Variants in LGSN observed in about 807,000 individuals in gnomAD.
LGSN encodes lengsin.
In LGSN, 21 loss-of-function variants were observed where a neutral mutation model predicts 19.5. That is an observed-to-expected ratio of 1.07 (90% CI 0.76 to 1.55). The LOEUF is 1.55. Ranked by LOEUF, LGSN falls within the 40% of genes most tolerant of loss-of-function variation. The probability of loss-of-function intolerance (pLI) is 0.00; values close to 1 mark genes in which losing one functional copy is unlikely to be tolerated. For synonymous variants in LGSN, 257 were observed against 215.6 expected (o/e 1.19, Z -1.68); for missense variants, 673 against 608.5 (o/e 1.11, Z -1.12).
Position 63,318,317 on chromosome 6 carries a change from A to G in LGSN, c.30+1597T>C, listed in dbSNP as rs148255693. Among the ~76,000 whole-genome samples, 669 of 152,268 alleles carry G rather than the reference A, an allele frequency of 4.4e-3. 3 individuals are homozygous for G. The highest frequency in any genetic ancestry group is 0.015 in the African/African-American group (627 of 41,554). On this transcript the variant is annotated intron_variant, in intron 1 of 3. Coordinates refer to ENST00000370657, the MANE Select transcript of LGSN (RefSeq NM_016571.3). ...GCTGCTGTGTTTTGTAGTTAACTTC[A>G]TGCTGCTCTTGCTCACATTACCAGA...
At chr6:63,335,544 G>A in the LGSN span, among the ~76,000 whole-genome samples, 1 of 152,208 alleles carries the variant, frequency 6.6e-6, no homozygotes, top group Admixed American at 6.5e-5. Flanking sequence ...GCCAACAGGT[G>A]TATGAAAAAA....
intron 1 of LGSN, among the ~76,000 whole-genome samples, chr6:63,297,158 G>T (rs926415558): frequency 3.3e-5 from 5 of 151,920 alleles, no homozygotes; most frequent in African/African-American, 1.2e-4. Context: ...TGGTCAACAT[G>T]GTGAAACCCC....
At chr6:63,447,009 G>A in the LGSN span, among the ~76,000 whole-genome samples, 88,433 of 152,092 alleles carry the variant, frequency 0.58, 25,960 homozygotes, top group South Asian at 0.61. Context: ...AGATCGTGCC[G>A]TTGCACTCCA....
At chr6:63,483,365 GCT>G in the LGSN span, among the ~76,000 whole-genome samples, 1 of 112,434 alleles carries the variant, frequency 8.9e-6, no homozygotes, top group East Asian at 2.5e-4. Context: ...GGAAAAGGAA[GCT>G]CTTTTTTTTT....
the LGSN span, chr6:63,572,522 G>C: frequency 1.8e-5 from 7 of 392,156 alleles, no homozygotes; most frequent in South Asian, 1.3e-4. Flanking sequence ...GGGCCGGCTC[G>C]GCTACGCGCT....
chr6:63,447,454 T>C, the LGSN span, among the ~76,000 whole-genome samples: 1 of 152,230 alleles, frequency 6.6e-6, no homozygotes, highest in Non-Finnish European at 1.5e-5. Context: ...CTTACTTGGC[T>C]CTATGTTACT....
At chr6:63,523,114 C>T in the LGSN span, among the ~76,000 whole-genome samples, 1 of 151,992 alleles carries the variant, frequency 6.6e-6, no homozygotes, top group Non-Finnish European at 1.5e-5. Flanking sequence ...GACCTGCCCA[C>T]CTCAGCCTCC....
the LGSN span, among the ~76,000 whole-genome samples, chr6:63,388,650 T>G: frequency 6.6e-6 from 1 of 152,166 alleles, no homozygotes. Flanking sequence ...GCTCCAGAAC[T>G]GTGAAGAAAT....
At chr6:63,351,358 G>T in the LGSN span, among the ~76,000 whole-genome samples, 6 of 151,782 alleles carry the variant, frequency 4.0e-5, no homozygotes, top group African/African-American at 7.3e-5. Flanking sequence ...GCAGATATTT[G>T]CTTTATAAAT....
chr6:63,390,974 T>C, the LGSN span, among the ~76,000 whole-genome samples: 26 of 152,284 alleles, frequency 1.7e-4, no homozygotes, highest in East Asian at 4.6e-3. Context: ...ACAAGTTCCA[T>C]TGGAAAGGAT....
At chr6:63,376,645 C>T in the LGSN span, among the ~76,000 whole-genome samples, 1 of 152,130 alleles carries the variant, frequency 6.6e-6, no homozygotes, top group African/African-American at 2.4e-5. Flanking sequence ...ATCTGACTGC[C>T]TCTTACCTGA....
At chr6:63,572,788 C>T in the LGSN span, 1 of 398,142 alleles carries the variant, frequency 2.5e-6, no homozygotes, top group Non-Finnish European at 4.4e-6. Context: ...CCCGCTGTCG[C>T]CTTTGTTCGG....
chr6:63,337,676 T>A, the LGSN span, among the ~76,000 whole-genome samples: 1 of 151,346 alleles, frequency 6.6e-6, no homozygotes. Context: ...TGGTGACACA[T>A]GCCTGTGGTC....
chr6:63,505,564 AAAAAGAAAGAAAGAAAGAAAGAAAGAAAG>A, the LGSN span, among the ~76,000 whole-genome samples: 2 of 95,192 alleles, frequency 2.1e-5, no homozygotes, highest in Non-Finnish European at 4.3e-5. Flanking sequence ...AAAAAAAAAA[AAAAAGAAAGAAAGAAAGAAAGAAAGAAAG>A]AAAGAAAGAA....
the LGSN span, among the ~76,000 whole-genome samples, chr6:63,458,087 GAC>G: frequency 6.7e-6 from 1 of 148,408 alleles, no homozygotes; most frequent in Admixed American, 6.7e-5. Context: ...TTTATTTTTA[GAC>G]AGAGTTTCCC....
chr6:63,565,414 C>A, the LGSN span, among the ~76,000 whole-genome samples: 5 of 151,712 alleles, frequency 3.3e-5, no homozygotes, highest in Non-Finnish European at 7.4e-5. Flanking sequence ...TAATAGAGAT[C>A]GATTCAAGAG....
the LGSN span, among the ~76,000 whole-genome samples, chr6:63,360,825 T>C: frequency 3.3e-5 from 5 of 152,194 alleles, no homozygotes; most frequent in Non-Finnish European, 7.3e-5. Flanking sequence ...GATGTACAGA[T>C]GGGGTTTTGG....
the LGSN span, among the ~76,000 whole-genome samples, chr6:63,362,032 G>A: frequency 6.6e-6 from 1 of 152,152 alleles, no homozygotes; most frequent in Non-Finnish European, 1.5e-5. Context: ...TTTCAAGAGG[G>A]AGCAACTTGA....
the LGSN span, among the ~76,000 whole-genome samples, chr6:63,455,125 A>G: frequency 6.6e-6 from 1 of 152,150 alleles, no homozygotes; most frequent in Non-Finnish European, 1.5e-5. Context: ...GAAGTTAGCC[A>G]CAACATCCCA....
Sources: gnomAD v4.1 joint callset for allele counts (sites outside exome capture counted in the v4.1 genomes callset) on GRCh38, gnomAD v4.1.1 for gene constraint, MANE v1.5 for transcripts, NCBI Gene and HGNC (gene_info 2026-07-23, HGNC 2026-07-21) for gene names.